The following OPCML variants were observed in gnomAD, a reference collection of about 807,000 sequenced individuals.
The protein encoded by OPCML is opioid binding protein/cell adhesion molecule like, also known as opioid-binding protein/cell adhesion molecule.
A neutral mutation model predicts 37.8 loss-of-function variants in OPCML; 13 were observed. The observed-to-expected ratio is 0.34, with a 90% confidence interval of 0.22 to 0.55. OPCML has a LOEUF of 0.55. Among genes scored for constraint, OPCML ranks in the 20% least tolerant of loss-of-function variants. The pLI is 0.91. For synonymous variants in OPCML, 176 were observed against 168.8 expected (o/e 1.04, Z -0.33); for missense variants, 341 against 435.6 (o/e 0.78, Z 1.93).
At chr11:132,969,103 C>T (rs1333667583) in intron 1 of OPCML, among the ~76,000 whole-genome samples, 1 of 151,892 alleles carries the variant, frequency 6.6e-6, no homozygotes, top group Admixed American at 6.6e-5. Context: ...CCCCTCACCC[C>T]CCTCCCACCC....
chr11:132,437,322 C>T lies in OPCML; in HGVS notation c.543G>A (p.Glu181=), dbSNP rs765353796. ...QGFVSEDEYL[E]ISDIKRDQSG... is the part of the protein sequence containing the mutation. ...ACTGGTCTCGCTTGATGTCAGAGAT[C>T]TCCAGGTACTCATCCTCACTTACAA... Residue 181 remains glutamate (E), a synonymous_variant, in exon 5 of 8, where the codon GAG becomes GAA. Coordinates refer to ENST00000524381, the MANE Select transcript of OPCML (RefSeq NM_001012393.5). 1 of 1,614,218 alleles carries T rather than the reference C, an allele frequency of 6.2e-7. No homozygotes were observed. The highest frequency in any genetic ancestry group is 2.2e-5 in the East Asian group (1 of 44,888).
At chr11:132,523,507 C>A (rs74813534) in intron 4 of OPCML, among the ~76,000 whole-genome samples, 2,764 of 145,742 alleles carry the variant, frequency 0.019, 101 homozygotes, top group African/African-American at 0.064. Context: ...TTGCTCAAGA[C>A]AAATTAGAAG....
At chr11:132,803,078 C>A (rs1938770644) in intron 2 of OPCML, among the ~76,000 whole-genome samples, 1 of 152,120 alleles carries the variant, frequency 6.6e-6, no homozygotes, top group Non-Finnish European at 1.5e-5. Context: ...TAATCCTGGA[C>A]ACGATAACAT....
chr11:133,184,162 T>C (rs1046996907), intron 1 of OPCML, among the ~76,000 whole-genome samples: 2 of 152,126 alleles, frequency 1.3e-5, no homozygotes, highest in African/African-American at 4.8e-5. Flanking sequence ...CTGAGATTCA[T>C]CCATTTGTCT....
intron 2 of OPCML, among the ~76,000 whole-genome samples, chr11:132,838,022 T>C (rs994487658): frequency 1.3e-5 from 2 of 152,240 alleles, no homozygotes; most frequent in Admixed American, 1.3e-4. Context: ...GGTTTATTTA[T>C]TTGTTTACAG....
intron 2 of OPCML, among the ~76,000 whole-genome samples, chr11:132,815,221 T>C (rs1939563510): frequency 6.6e-6 from 1 of 152,202 alleles, no homozygotes; most frequent in African/African-American, 2.4e-5. Context: ...GGATTATGCC[T>C]TTCCCTTTTT....
At chr11:133,465,549 A>G (rs548515049) in intron 1 of OPCML, among the ~76,000 whole-genome samples, 2 of 152,312 alleles carry the variant, frequency 1.3e-5, no homozygotes, top group East Asian at 1.9e-4. Context: ...GGTTATGACA[A>G]TACACCTCCT....
intron 2 of OPCML, among the ~76,000 whole-genome samples, chr11:132,747,735 AC>A (rs1252774687): frequency 6.6e-6 from 1 of 152,186 alleles, no homozygotes; most frequent in African/African-American, 2.4e-5. Flanking sequence ...AATGACATCA[AC>A]CTAAATAAGA....
At chr11:133,149,520 T>G (rs1949946139) in intron 1 of OPCML, among the ~76,000 whole-genome samples, 1 of 152,246 alleles carries the variant, frequency 6.6e-6, no homozygotes, top group African/African-American at 2.4e-5. Context: ...TTTCCATCCC[T>G]TCTACCATTT....
intron 7 of OPCML, among the ~76,000 whole-genome samples, chr11:132,431,311 G>C (rs545287091): frequency 1.3e-5 from 2 of 152,172 alleles, no homozygotes; most frequent in African/African-American, 4.8e-5. Flanking sequence ...TCTGTTTTAC[G>C]CATGACTTAG....
At chr11:133,077,232 T>C (rs1380089913) in intron 1 of OPCML, among the ~76,000 whole-genome samples, 1 of 151,412 alleles carries the variant, frequency 6.6e-6, no homozygotes, top group Non-Finnish European at 1.5e-5. Context: ...TCTGGAGAGG[T>C]CTGTGCCCCA....
intron 4 of OPCML, among the ~76,000 whole-genome samples, chr11:132,465,871 C>G (rs903198523): frequency 1.3e-5 from 2 of 151,944 alleles, no homozygotes; most frequent in Non-Finnish European, 2.9e-5. Context: ...AAAATAAAAC[C>G]AAGTTCTTTA....
Position 132,929,543 on chromosome 11 carries a change from A to G in OPCML, c.146+13383T>C, listed in dbSNP as rs151205923. Among the ~76,000 whole-genome samples the G allele has an allele frequency of 9.2e-3, 1,396 of 152,252 alleles. 22 individuals carry two copies. The highest frequency in any genetic ancestry group is 0.031 in the African/African-American group (1,307 of 41,554). ...AAGAGGAGAGAACACTTCCAAACTC[A>G]CTCTATAAGCCAATATTATTTCGAT... On this transcript the variant is annotated intron_variant, in intron 2 of 7. Transcript: ENST00000524381.
At chr11:132,692,248 G>A (rs1414181483) in intron 2 of OPCML, among the ~76,000 whole-genome samples, 3 of 149,000 alleles carry the variant, frequency 2.0e-5, no homozygotes, top group Non-Finnish European at 4.5e-5. Flanking sequence ...AAAAAAAAAT[G>A]AGCTGTTGTT....
chr11:133,081,596 G>A (rs1948717324), intron 1 of OPCML, among the ~76,000 whole-genome samples: 1 of 152,136 alleles, frequency 6.6e-6, no homozygotes. Flanking sequence ...GACAGACGGA[G>A]GCTTCTATCA....
intron 2 of OPCML, among the ~76,000 whole-genome samples, chr11:132,715,483 G>A (rs747466607): frequency 6.6e-6 from 1 of 152,146 alleles, no homozygotes; most frequent in Non-Finnish European, 1.5e-5. Flanking sequence ...CCTTGTCATG[G>A]ACTGAATATT....
At chr11:133,141,039 CGACGACGACGAA>C (rs1949808390) in intron 1 of OPCML, among the ~76,000 whole-genome samples, 2 of 4,102 alleles carry the variant, frequency 4.9e-4, no homozygotes, top group African/African-American at 7.7e-4. Flanking sequence ...ACGACGACGA[CGACGACGACGAA>C]GAAGAAGAAG....
intron 2 of OPCML, among the ~76,000 whole-genome samples, chr11:132,812,591 C>T (rs1381724714): frequency 6.6e-6 from 1 of 152,092 alleles, no homozygotes; most frequent in Non-Finnish European, 1.5e-5. Flanking sequence ...AGCAGAAAAC[C>T]AGATGGTCTG....
chr11:133,493,715 G>C (rs1187268125), intron 1 of OPCML, among the ~76,000 whole-genome samples: 2 of 152,118 alleles, frequency 1.3e-5, no homozygotes, highest in Non-Finnish European at 2.9e-5. Context: ...TTGTGTCAAA[G>C]AGTATGCATA....
Sources: allele counts gnomAD v4.1 joint callset (sites outside exome capture counted in the v4.1 genomes callset), GRCh38; gene constraint gnomAD v4.1.1; transcripts MANE v1.5; gene names NCBI Gene and HGNC (gene_info 2026-07-23, HGNC 2026-07-21).